The following ERICH3 variants were observed in gnomAD, a reference collection of about 807,000 sequenced individuals.
ERICH3 encodes the protein glutamate rich 3, also known as glutamate-rich protein 3.
Under a neutral mutation model 131.1 loss-of-function variants are expected in ERICH3, and 126 were observed. That is an observed-to-expected ratio of 0.96 (90% CI 0.83 to 1.11). The LOEUF (loss-of-function observed/expected upper bound fraction) is 1.11. ERICH3 is among the 50% of genes most tolerant of loss of function. The pLI, the probability that ERICH3 is intolerant of heterozygous loss-of-function variation, is 0.00. For missense variants in ERICH3, 2,050 were observed against 1,810.7 expected (o/e 1.13, Z -2.40); for synonymous variants, 695 against 644.6 (o/e 1.08, Z -1.18).
intron 4 of ERICH3, 143 bp from the exon 5 acceptor site, chr1:74,641,602 T>C: frequency 2.0e-6 from 2 of 994,418 alleles, no homozygotes; most frequent in South Asian, 3.2e-5. Flanking sequence ...GAGTTAGGTG[T>C]GGTGGTAAGG....
intron 1 of ERICH3, among the ~76,000 whole-genome samples, chr1:74,649,843 C>A (rs1402743918): frequency 1.3e-5 from 2 of 152,112 alleles, no homozygotes; most frequent in Non-Finnish European, 2.9e-5. Flanking sequence ...GGTGTATAAG[C>A]CTCTCTTCTC....
chr1:74,584,160 C>T (rs1191382075), intron 12 of ERICH3, among the ~76,000 whole-genome samples: 1 of 152,204 alleles, frequency 6.6e-6, no homozygotes, highest in Admixed American at 6.5e-5. Flanking sequence ...AGATGTTCTT[C>T]TGTCATCTTT....
intron 7 of ERICH3, chr1:74,625,734 T>C (rs941369515): frequency 6.6e-6 from 1 of 152,204 alleles, no homozygotes; most frequent in African/African-American, 2.4e-5. Flanking sequence ...GACTGAGCTA[T>C]ATTCTCATTT....
At chr1:74,604,481 A>G (rs1050212226) in intron 10 of ERICH3, among the ~76,000 whole-genome samples, 2 of 151,944 alleles carry the variant, frequency 1.3e-5, no homozygotes, top group African/African-American at 4.8e-5. Context: ...GCCCTGATCC[A>G]TCAGAGGAAT....
chr1:74,577,729 G>C (rs564427632), intron 12 of ERICH3, among the ~76,000 whole-genome samples: 35 of 152,228 alleles, frequency 2.3e-4, no homozygotes, highest in Non-Finnish European at 2.9e-4. Context: ...TAAAAAAAGA[G>C]AGAGAGAGCA....
At chr1:74,652,246 G>A (rs1384011272) in intron 1 of ERICH3, among the ~76,000 whole-genome samples, 1 of 151,698 alleles carries the variant, frequency 6.6e-6, no homozygotes, top group African/African-American at 2.4e-5. Context: ...TGGTAAAATG[G>A]TCAATTCAAG....
intron 1 of ERICH3, among the ~76,000 whole-genome samples, chr1:74,664,490 T>G (rs1646671133): frequency 6.6e-6 from 1 of 152,122 alleles, no homozygotes; most frequent in South Asian, 2.1e-4. Context: ...CCAAATAATA[T>G]TCACAAATAT....
At chr1:74,578,669 CCCTTCCTTTT>C (rs1001312615) in intron 12 of ERICH3, 3 of 149,494 alleles carry the variant, frequency 2.0e-5, no homozygotes, top group Non-Finnish European at 4.5e-5. Context: ...CCCTTCCCTT[CCCTTCCTTTT>C]CCTTCCTTCT....
At chr1:74,645,610 A>C (rs1320237822) in intron 3 of ERICH3, among the ~76,000 whole-genome samples, 1 of 152,064 alleles carries the variant, frequency 6.6e-6, no homozygotes, top group Non-Finnish European at 1.5e-5. Flanking sequence ...GTGCCTATTG[A>C]GTAAATTTGA....
At chr1:74,617,781 T>C (rs946679133) in intron 8 of ERICH3, among the ~76,000 whole-genome samples, 2 of 152,222 alleles carry the variant, frequency 1.3e-5, no homozygotes, top group Non-Finnish European at 2.9e-5. Context: ...TGCACAACTC[T>C]GTACAATTCT....
intron 1 of ERICH3, among the ~76,000 whole-genome samples, chr1:74,655,758 T>C (rs187771041): frequency 1.3e-5 from 2 of 152,318 alleles, no homozygotes; most frequent in East Asian, 3.9e-4. Context: ...GTCTCTCCCA[T>C]AAGCCTGATG....
At chr1:74,585,136 TAA>T (rs1647270779) in intron 12 of ERICH3, among the ~76,000 whole-genome samples, 1 of 152,180 alleles carries the variant, frequency 6.6e-6, no homozygotes, top group African/African-American at 2.4e-5. Flanking sequence ...TAAATTAAAT[TAA>T]GTTTACAAAT....
At chr1:74,574,555 A>T (rs1308220377) in intron 13 of ERICH3, among the ~76,000 whole-genome samples, 1 of 152,220 alleles carries the variant, frequency 6.6e-6, no homozygotes, top group Non-Finnish European at 1.5e-5. Flanking sequence ...TTCAGAAGCT[A>T]ACTTGCCTTT....
chr1:74,639,254 C>A (rs945550347), intron 5 of ERICH3, among the ~76,000 whole-genome samples: 2 of 152,162 alleles, frequency 1.3e-5, no homozygotes, highest in Admixed American at 6.5e-5. Context: ...CTTGAAAAAT[C>A]TGTTGTCGAA....
Position 74,572,216 on chromosome 1 carries a change from T to C in ERICH3, c.3494A>G (p.Lys1165Arg), listed in dbSNP as rs1259861728. Reference protein sequence around the residue: ...PIFEATPGFEKSLENITALRK... With the variant: ...PIFEATPGFERSLENITALRK... ...CAGAGCTGTTATGTTTTCCAGCGACTTTTCAAATCCAGGCGTTGCTTCAAA... is the reference window on the plus strand; with the variant it reads ...CAGAGCTGTTATGTTTTCCAGCGACCTTTCAAATCCAGGCGTTGCTTCAAA... Residue 1165 changes from lysine to arginine, a missense_variant, in exon 14 of 15, where the codon AAG becomes AGG. By Grantham distance (26) the Lys-to-Arg change is conservative. Transcript: ENST00000326665. The C allele has an allele frequency of 6.2e-7, 1 of 1,614,056 alleles. No homozygotes were observed. Among genetic ancestry groups the C allele is most frequent in the Admixed American group, 1.7e-5 (1 of 60,006 alleles).
At chr1:74,667,347 ACTGACTGACATGTATG>A (rs1343633550) in intron 1 of ERICH3, among the ~76,000 whole-genome samples, 1 of 152,210 alleles carries the variant, frequency 6.6e-6, no homozygotes, top group Non-Finnish European at 1.5e-5. Flanking sequence ...ATTTATTTAA[ACTGACTGACATGTATG>A]GAGTCATTCC....
At chr1:74,666,057 T>A (rs189453378) in intron 1 of ERICH3, among the ~76,000 whole-genome samples, 3 of 152,042 alleles carry the variant, frequency 2.0e-5, no homozygotes, top group Admixed American at 1.3e-4. Context: ...TTGATGACCA[T>A]CAAAAAAGGG....
At position 74,572,705 on chromosome 1, in the gene ERICH3, T is replaced by C. The variant is rs1289261897; in HGVS notation, c.3005A>G (p.Glu1002Gly). ...TRLSPFTGEAEASRMQVSEGS... is the reference protein window; with the variant it reads ...TRLSPFTGEAGASRMQVSEGS... Reference sequence around the variant, plus strand: ...CTCCGAAACCTGCATCCGGCTTGCCTCTGCCTCTCCTGTGAAGGGGCTCAA... The same window carrying C: ...CTCCGAAACCTGCATCCGGCTTGCCCCTGCCTCTCCTGTGAAGGGGCTCAA... The change falls in exon 14 of 15, where the codon GAG becomes GGG. Residue 1002 changes from glutamate (E) to glycine (G), a missense_variant. Transcript: ENST00000326665. The C allele has an allele frequency of 1.6e-5, 26 of 1,613,904 alleles. No homozygotes were observed. Among genetic ancestry groups the C allele is most frequent in the Non-Finnish European group, 2.1e-5 (25 of 1,179,966 alleles).
At chr1:74,672,291 A>G (rs1646749314) in intron 1 of ERICH3, among the ~76,000 whole-genome samples, 1 of 152,218 alleles carries the variant, frequency 6.6e-6, no homozygotes, top group Non-Finnish European at 1.5e-5. Flanking sequence ...AGATAACTAA[A>G]AATTGCACAG....
Sources: gnomAD v4.1 joint callset for allele counts (sites outside exome capture counted in the v4.1 genomes callset) on GRCh38, gnomAD v4.1.1 for gene constraint, MANE v1.5 for transcripts, NCBI Gene and HGNC (gene_info 2026-07-23, HGNC 2026-07-21) for gene names.